The following CRTC3 variants were observed in gnomAD, a reference collection of about 807,000 sequenced individuals.
CRTC3 encodes the protein CREB-regulated transcription coactivator 3.
Under a neutral mutation model 74.5 loss-of-function variants are expected in CRTC3, and 26 were observed. The observed-to-expected ratio is 0.35, with a 90% CI of 0.26 to 0.48. The LOEUF (loss-of-function observed/expected upper bound fraction) is 0.48. CRTC3 is among the 20% of genes least tolerant of loss of function. The probability of loss-of-function intolerance (pLI) is 0.99; values close to 1 mark genes in which losing one functional copy is unlikely to be tolerated. For missense variants in CRTC3, 760 were observed against 787.3 expected, an observed-to-expected ratio of 0.97 and a Z score of 0.41; for synonymous variants, 377 against 325.8, an observed-to-expected ratio of 1.16 and a Z score of -1.69.
At chr15:90,537,377 G>A (rs137980667) in intron 1 of CRTC3, among the ~76,000 whole-genome samples, 2 of 152,124 alleles carry the variant, frequency 1.3e-5, no homozygotes, top group Non-Finnish European at 2.9e-5. Flanking sequence ...CACATCATCC[G>A]ATTCCAGGTC....
chr15:90,574,351 A>C (rs1876993486), intron 2 of CRTC3, among the ~76,000 whole-genome samples: 1 of 151,938 alleles, frequency 6.6e-6, no homozygotes, highest in Non-Finnish European at 1.5e-5. Context: ...GGTGGTGCGC[A>C]CCTGTAGTCC....
At chr15:90,612,176 G>T (rs145114896) in intron 6 of CRTC3, among the ~76,000 whole-genome samples, 205 of 151,702 alleles carry the variant, frequency 1.4e-3, no homozygotes, top group African/African-American at 4.6e-3. Flanking sequence ...CAGCAAATTG[G>T]TTAGGGACAT....
intron 2 of CRTC3, among the ~76,000 whole-genome samples, chr15:90,565,125 T>G (rs1304251284): frequency 6.6e-6 from 1 of 152,142 alleles, no homozygotes; most frequent in Non-Finnish European, 1.5e-5. Flanking sequence ...ATTTTTAGTT[T>G]TTAGTAGAGA....
Position 90,598,498 on chromosome 15 carries a change from G to A in CRTC3, c.352-3826G>A, listed in dbSNP as rs557672928. ...TGTTGATGGATTGAGGCAGTAACTC[G>A]AGGAGGAAGATTTTCCTGCACAGAA... On this transcript the variant is annotated intron_variant, in intron 3 of 14. Coordinates refer to ENST00000268184, the MANE Select transcript of CRTC3 (RefSeq NM_022769.5). The A allele has an allele frequency of 1.6e-3, 1,110 of 702,862 alleles. 7 individuals carry two copies. Among genetic ancestry groups the A allele is most frequent in the Non-Finnish European group, 6.6e-4 (255 of 384,996 alleles). 43.5% of individuals were successfully genotyped at this position (702,862 alleles called of 1,614,324 possible). A position where few individuals can be genotyped will look rare whatever the true frequency, so the allele number is the denominator to read the frequency against.
At position 90,642,341 on chromosome 15, in the gene CRTC3, C is replaced by G. The variant is rs978340166; in HGVS notation, c.*201C>G. 3.4e-5 allele frequency: 20 copies of G among 583,230 alleles called. No homozygotes were observed. The highest frequency in any genetic ancestry group is 3.4e-4 in the African/African-American group (18 of 53,654). The allele number at this position is 583,230 out of a possible 1,614,324, so 36.1% of individuals were successfully genotyped here. A position where few individuals can be genotyped will look rare whatever the true frequency, so the allele number is the denominator to read the frequency against. On this transcript the variant is annotated 3_prime_UTR_variant, in exon 15 of 15. Coordinates refer to ENST00000268184, the MANE Select transcript of CRTC3 (RefSeq NM_022769.5). ...CACAGCTTTGTACTGCCTCTCCCGC[C>G]TGTGGCCAAAGTCGTGTTGCAGCAG... is the stretch of plus-strand genomic sequence containing the variant.
intron 2 of CRTC3, among the ~76,000 whole-genome samples, chr15:90,578,443 A>G (rs1160095328): frequency 1.3e-5 from 2 of 151,840 alleles, no homozygotes; most frequent in African/African-American, 2.4e-5. Flanking sequence ...GCTACTAACT[A>G]CTCGGGAGGC....
At chr15:90,549,479 A>T (rs1251496268) in intron 2 of CRTC3, among the ~76,000 whole-genome samples, 10 of 152,154 alleles carry the variant, frequency 6.6e-5, no homozygotes, top group Admixed American at 5.9e-4. Context: ...TAACTATTAG[A>T]TATACTATCA....
At chr15:90,598,772 C>A in intron 3 of CRTC3, 1 of 479,450 alleles carries the variant, frequency 2.1e-6, no homozygotes, top group Non-Finnish European at 3.8e-6. Context: ...CTGGAGGTGT[C>A]GATTTATGAG....
intron 2 of CRTC3, among the ~76,000 whole-genome samples, chr15:90,545,533 G>A (rs1226858548): frequency 1.3e-5 from 2 of 150,802 alleles, no homozygotes; most frequent in African/African-American, 4.9e-5. Context: ...CTGAGTAGCT[G>A]GGTTTACAGG....
chr15:90,644,738 C>T lies in CRTC3; in HGVS notation c.*2598C>T, dbSNP rs1193811324. ...GGCAGGGTCGCCCTGGCCCACAGCA[C>T]GTGAGCCTGCACTCACTGCGGCCTT... On this transcript the variant is annotated 3_prime_UTR_variant, in exon 15 of 15. Transcript: ENST00000268184. 4.3e-6 allele frequency: 1 copy of T among 232,564 alleles called. No homozygotes were observed. 14.4% of individuals were successfully genotyped at this position (232,564 alleles called of 1,614,324 possible).
intron 3 of CRTC3, chr15:90,598,535 T>G: frequency 1.4e-6 from 1 of 701,960 alleles, no homozygotes. Context: ...TGCAGAGGCT[T>G]GGGGAGAGAG....
At chr15:90,634,993 T>C (rs984353858) in intron 11 of CRTC3, 2 of 1,345,086 alleles carry the variant, frequency 1.5e-6, no homozygotes, top group South Asian at 2.3e-5. Flanking sequence ...GATTATTTCC[T>C]ATTTAGAGAT....
chr15:90,571,111 G>A (rs1341110699), intron 2 of CRTC3, among the ~76,000 whole-genome samples: 3 of 152,286 alleles, frequency 2.0e-5, no homozygotes, highest in Non-Finnish European at 2.9e-5. Flanking sequence ...TGGACACTGC[G>A]TGTCAGACAC....
intron 2 of CRTC3, among the ~76,000 whole-genome samples, chr15:90,565,386 T>C (rs191693148): frequency 6.6e-6 from 1 of 152,258 alleles, no homozygotes; most frequent in Non-Finnish European, 1.5e-5. Flanking sequence ...TAAATGCCAA[T>C]AAAGGCTAAT....
At chr15:90,600,702 C>T (rs568462532) in intron 3 of CRTC3, 13 of 152,340 alleles carry the variant, frequency 8.5e-5, no homozygotes, top group African/African-American at 2.9e-4. Flanking sequence ...GCCTGGCACA[C>T]AGTAGGTGCT....
chr15:90,640,182 G>A (rs1222600431), intron 13 of CRTC3, among the ~76,000 whole-genome samples: 1 of 152,184 alleles, frequency 6.6e-6, no homozygotes, highest in Non-Finnish European at 1.5e-5. Context: ...TTTAGTCTAG[G>A]TGGGAATCAC....
In CRTC3 at chr15:90,551,802, C is replaced by G. The variant is rs548866537; in HGVS notation, c.231+11665C>G. Among the ~76,000 whole-genome samples the G allele has an allele frequency of 3.6e-3, 551 of 152,372 alleles. 8 individuals carry two copies. Among genetic ancestry groups the G allele is most frequent in the African/African-American group, 0.013 (530 of 41,566 alleles). ...TCCACTTAACTGCTCTGAGTACAAG[C>G]ATTTCAAAAAAGGATGCCCCCAAAA... On this transcript the variant is annotated intron_variant, in intron 2 of 14. Transcript: ENST00000268184.
chr15:90,629,793 G>A (rs1016953627), intron 11 of CRTC3, among the ~76,000 whole-genome samples: 4 of 152,070 alleles, frequency 2.6e-5, no homozygotes, highest in African/African-American at 7.2e-5. Context: ...GCACAATCGC[G>A]GCTCACTGCA....
At chr15:90,566,707 CCTTT>C (rs1967130266) in intron 2 of CRTC3, among the ~76,000 whole-genome samples, 1 of 125,296 alleles carries the variant, frequency 8.0e-6, no homozygotes, top group South Asian at 2.9e-4. Context: ...TTTCTTTCCT[CCTTT>C]CTTTTTTTTT....
Sources: allele counts gnomAD v4.1 joint callset (sites outside exome capture counted in the v4.1 genomes callset), GRCh38; gene constraint gnomAD v4.1.1; transcripts MANE v1.5; gene names NCBI Gene and HGNC (gene_info 2026-07-23, HGNC 2026-07-21).